Variants in NRDC observed in about 807,000 individuals in gnomAD.
NRDC encodes nardilysin convertase, also known as nardilysin.
NRDC carries 54 observed loss-of-function variants against 147.1 expected under a neutral mutation model. The observed-to-expected ratio is 0.37, with a 90% CI of 0.29 to 0.46. The LOEUF (loss-of-function observed/expected upper bound fraction) is 0.46, where lower values mean the gene tolerates loss of function less well. NRDC is among the 20% of genes least tolerant of loss of function. The pLI is 1.00. For synonymous variants in NRDC, 440 were observed against 482.1 expected, an observed-to-expected ratio of 0.91 and a Z score of 1.14; for missense variants, 1,082 against 1,370.6, an observed-to-expected ratio of 0.79 and a Z score of 3.33.
intron 1 of NRDC, among the ~76,000 whole-genome samples, chr1:51,842,202 T>A (rs991747969): frequency 6.6e-6 from 1 of 150,476 alleles, no homozygotes; most frequent in Non-Finnish European, 1.5e-5. Flanking sequence ...TAAAAAATAA[T>A]CACATTTAAG....
intron 1 of NRDC, among the ~76,000 whole-genome samples, chr1:51,859,465 G>C (rs867074020): frequency 6.6e-6 from 1 of 152,242 alleles, no homozygotes; most frequent in African/African-American, 2.4e-5. Flanking sequence ...TAGGCCACCA[G>C]CTGCAAGGCA....
intron 24 of NRDC, 125 bp from the exon 25 acceptor site, chr1:51,792,549 C>A: frequency 1.2e-6 from 1 of 805,466 alleles, no homozygotes. Flanking sequence ...GAGAGTTAAT[C>A]ATACTTTGAT....
intron 1 of NRDC, among the ~76,000 whole-genome samples, chr1:51,842,065 A>G (rs1018104304): frequency 6.6e-6 from 1 of 152,138 alleles, no homozygotes; most frequent in African/African-American, 2.4e-5. Context: ...CCATCTACTT[A>G]GGAGGCTGAG....
chr1:51,792,164 C>T lies in NRDC; in HGVS notation c.2824-66G>A. 2.5e-6 allele frequency: 4 copies of T among 1,592,254 alleles called. No individual in the cohort carries two copies. The African/African-American group carries it at 4.0e-5, about 16-fold the overall frequency. The stretch of plus-strand genomic sequence containing the variant: ...GCAGAGAAACCTCCATTTCTCTCCC[C>T]AGAGTGTTTCACATACCTCCCAAGT... On this transcript the variant is annotated intron_variant, in intron 25 of 30. Coordinates refer to ENST00000352171, the MANE Select transcript of NRDC (RefSeq NM_001101662.2).
intron 1 of NRDC, among the ~76,000 whole-genome samples, chr1:51,845,542 A>C (rs1181591963): frequency 4.6e-5 from 7 of 152,180 alleles, no homozygotes. Context: ...GCAGTGAGCC[A>C]GGATTGCACC....
chr1:51,814,393 C>G (rs74080640), intron 13 of NRDC, 158 bp downstream of exon 13: 38,184 of 652,154 alleles, frequency 0.059, 2,225 homozygotes, highest in African/African-American at 0.23. Context: ...AGTATACAAT[C>G]ACATGTAGAG....
At chr1:51,861,986 T>A (rs116156337) in intron 1 of NRDC, 1 of 152,184 alleles carries the variant, frequency 6.6e-6, no homozygotes, top group Non-Finnish European at 1.5e-5. Context: ...ATGGATAACA[T>A]TGGACTTAAT....
chr1:51,850,864 C>G (rs1220884787), intron 1 of NRDC, among the ~76,000 whole-genome samples: 1 of 152,114 alleles, frequency 6.6e-6, no homozygotes, highest in East Asian at 1.9e-4. Context: ...TGCTTGACAC[C>G]CTGTAAATAA....
chr1:51,847,431 C>T (rs571494466), intron 1 of NRDC, among the ~76,000 whole-genome samples: 7 of 152,310 alleles, frequency 4.6e-5, no homozygotes, highest in East Asian at 3.9e-4. Context: ...GAGCAGGGGG[C>T]GGCGCTCGTT....
intron 1 of NRDC, among the ~76,000 whole-genome samples, chr1:51,846,569 C>CG (rs1358406868): frequency 4.6e-5 from 7 of 152,188 alleles, no homozygotes; most frequent in Non-Finnish European, 1.0e-4. Context: ...TTCCAATGTT[C>CG]GGATGTGTTC....
intron 19 of NRDC, among the ~76,000 whole-genome samples, chr1:51,804,638 T>C (rs2982848): frequency 0.23 from 4,499 of 19,864 alleles, 317 homozygotes; most frequent in East Asian, 0.5. Context: ...CCCAAGTATC[T>C]GCTACGTTCA....
intron 17 of NRDC, 103 bp downstream of exon 17, chr1:51,809,212 T>C: frequency 1.2e-6 from 1 of 802,292 alleles, no homozygotes; most frequent in Non-Finnish European, 2.1e-6. Flanking sequence ...TTACTGGGAA[T>C]CTCAAATATA....
intron 3 of NRDC, among the ~76,000 whole-genome samples, chr1:51,835,007 T>C (rs1165655155): frequency 6.6e-6 from 1 of 152,186 alleles, no homozygotes; most frequent in Non-Finnish European, 1.5e-5. Flanking sequence ...AAATAAATAT[T>C]TGTAAAATAA....
chr1:51,834,505 G>A (rs1680855564), intron 3 of NRDC, among the ~76,000 whole-genome samples: 1 of 151,830 alleles, frequency 6.6e-6, no homozygotes, highest in Non-Finnish European at 1.5e-5. Context: ...TAGTAGAGAT[G>A]GGGTTTCACC....
chr1:51,795,160 A>G, intron 22 of NRDC: 1 of 1,365,614 alleles, frequency 7.3e-7, no homozygotes, highest in Non-Finnish European at 9.6e-7. Context: ...TGTGGCCTTT[A>G]TGACAACATG....
At chr1:51,875,324 T>C (rs997006487) in intron 1 of NRDC, among the ~76,000 whole-genome samples, 2 of 152,214 alleles carry the variant, frequency 1.3e-5, no homozygotes, top group Non-Finnish European at 2.9e-5. Flanking sequence ...AAAACACTGC[T>C]GTTCTAACCA....
Position 51,816,297 on chromosome 1 carries a change from T to C in NRDC, c.1439+15A>G. 6.4e-7 allele frequency: 1 copy of C among 1,550,882 alleles called. No individual in the cohort carries two copies. The highest frequency in any genetic ancestry group is 8.8e-7 in the Non-Finnish European group (1 of 1,136,636). On this transcript the variant is annotated intron_variant, in intron 11 of 30. Coordinates refer to ENST00000352171, the MANE Select transcript of NRDC (RefSeq NM_001101662.2). ...AGATTGCTATACTGAAAATACTTAT[T>C]AATTGAATACTTGCTTTTTCCTAAG...
chr1:51,800,705 A>C (rs750008712), intron 20 of NRDC, 22 bp from the exon 21 acceptor site: 1 of 1,608,362 alleles, frequency 6.2e-7, no homozygotes, highest in Non-Finnish European at 8.5e-7. Context: ...AGAAGGAAGC[A>C]TTTTAAGAAG....
chr1:51,834,301 T>TC (rs1316817155), intron 3 of NRDC, 131 bp from the exon 4 acceptor site: 13 of 971,514 alleles, frequency 1.3e-5, no homozygotes, highest in Non-Finnish European at 2.0e-5. Flanking sequence ...ATGTCTGAAT[T>TC]CTTTTTTTTT....
Sources: allele counts gnomAD v4.1 joint callset (sites outside exome capture counted in the v4.1 genomes callset), GRCh38; gene constraint gnomAD v4.1.1; transcripts MANE v1.5; gene names NCBI Gene and HGNC (gene_info 2026-07-23, HGNC 2026-07-21).